The following SYNE2 variants were observed in gnomAD, a reference collection of about 807,000 sequenced individuals.
SYNE2 encodes the protein spectrin repeat containing nuclear envelope protein 2, also known as nesprin-2.
SYNE2 carries 431 observed loss-of-function variants against 856.3 expected under a neutral mutation model. The ratio of observed to expected loss-of-function variants is 0.50; its 90% CI spans 0.47 to 0.55. SYNE2 has a LOEUF of 0.55. SYNE2 is among the 20% of genes least tolerant of loss of function. SYNE2 has a pLI of 0.00. For synonymous variants in SYNE2, 2,923 were observed against 2,872.3 expected (o/e 1.02, Z -0.56); for missense variants, 8,129 against 8,023.2 (o/e 1.01, Z -0.50).
At chr14:63,883,069 A>AT (rs1369547308) in intron 1 of SYNE2, among the ~76,000 whole-genome samples, 8 of 147,066 alleles carry the variant, frequency 5.4e-5, no homozygotes, top group Admixed American at 1.4e-4. Flanking sequence ...TTATTTATTT[A>AT]TTTTTTTGAG....
intron 85 of SYNE2, among the ~76,000 whole-genome samples, chr14:64,155,925 C>T (rs147309278): frequency 6.6e-6 from 1 of 152,282 alleles, no homozygotes; most frequent in Non-Finnish European, 1.5e-5. Context: ...AAATAAGGAT[C>T]CTGGCGGCAC....
intron 1 of SYNE2, among the ~76,000 whole-genome samples, chr14:63,859,192 T>G (rs923018084): frequency 6.6e-6 from 1 of 152,210 alleles, no homozygotes; most frequent in Non-Finnish European, 1.5e-5. Context: ...TAGAGAATTA[T>G]TCAGCCAAAG....
chr14:64,180,891 T>A (rs970005422), intron 96 of SYNE2, among the ~76,000 whole-genome samples: 3 of 152,216 alleles, frequency 2.0e-5, no homozygotes, highest in Non-Finnish European at 4.4e-5. Flanking sequence ...CTATTGAAAA[T>A]ACTGCCTTTT....
intron 1 of SYNE2, among the ~76,000 whole-genome samples, chr14:63,827,625 C>CAAAAAAAAAAAAAAAAAAAAAAAAAA (rs11334415): frequency 9.9e-4 from 28 of 28,406 alleles, no homozygotes; most frequent in East Asian, 2.0e-3. Flanking sequence ...AACTCTGTCT[C>CAAAAAAAAAAAAAAAAAAAAAAAAAA]AAAAAAAAAA....
At position 64,007,100 on chromosome 14, in the gene SYNE2, A is replaced by G; in HGVS notation, c.4455A>G (p.Arg1485=). The G allele has an allele frequency of 2.5e-6, 4 of 1,613,408 alleles. No homozygotes were observed. The highest frequency in any genetic ancestry group is 3.4e-6 in the Non-Finnish European group (4 of 1,179,328). ...TAGATGAATATGAAGAAGAGAAGAG[A>G]CATTTACAAGAAATGGCTAATTCTC... ...KVLDEYEEEK[R]HLQEMANSLP... is the part of the protein sequence containing the mutation. Residue 1485 remains arginine (R), a synonymous_variant, in exon 31 of 116, where the codon AGA becomes AGG. Coordinates refer to ENST00000555002, the MANE Select transcript of SYNE2 (RefSeq NM_182914.3).
At chr14:63,799,108 T>C (rs1191930681) in intron 1 of SYNE2, among the ~76,000 whole-genome samples, 1 of 152,202 alleles carries the variant, frequency 6.6e-6, no homozygotes, top group Non-Finnish European at 1.5e-5. Flanking sequence ...AGACAGACTT[T>C]CGCTCTGTCA....
Position 64,223,459 on chromosome 14 carries a change from T to G in SYNE2, c.20382+79T>G, listed in dbSNP as rs948302301. 6.5e-6 allele frequency: 10 copies of G among 1,548,384 alleles called. No individual in the cohort carries two copies. The Admixed American group carries it at 1.7e-4, about 26-fold the overall frequency. The stretch of plus-strand genomic sequence containing the variant: ...GGACAGCAGTGTTGTAGCAATGCTC[T>G]AAGACAGAGGCCAGAAGCAAGGGCC... On this transcript the variant is annotated intron_variant, in intron 113 of 115. Transcript: ENST00000555002.
intron 56 of SYNE2, among the ~76,000 whole-genome samples, 193 bp from the exon 57 acceptor site, chr14:64,081,250 A>G (rs1299147526): frequency 6.6e-6 from 1 of 152,188 alleles, no homozygotes; most frequent in Admixed American, 6.5e-5. Context: ...CTTTCCACCT[A>G]TGGTCAGAGT....
chr14:64,177,105 A>G (rs2098438788), intron 95 of SYNE2, among the ~76,000 whole-genome samples: 1 of 152,124 alleles, frequency 6.6e-6, no homozygotes, highest in Non-Finnish European at 1.5e-5. Flanking sequence ...GCCCGGAAGA[A>G]CTATTTTCAA....
intron 1 of SYNE2, among the ~76,000 whole-genome samples, chr14:63,860,514 A>G (rs1281535183): frequency 6.6e-6 from 1 of 152,262 alleles, no homozygotes; most frequent in Non-Finnish European, 1.5e-5. Flanking sequence ...CACATTTGAC[A>G]AAAAGGAGCC....
At chr14:64,083,419 T>C (rs886740188) in intron 57 of SYNE2, among the ~76,000 whole-genome samples, 2 of 151,192 alleles carry the variant, frequency 1.3e-5, no homozygotes, top group African/African-American at 4.9e-5. Flanking sequence ...AAAAAAACTG[T>C]ACAAAAGTGA....
chr14:64,017,819 G>T, intron 34 of SYNE2, 63 bp downstream of exon 34: 2 of 1,526,396 alleles, frequency 1.3e-6, no homozygotes, highest in South Asian at 1.1e-5. Context: ...TATTTTTTAT[G>T]AATATAGTCA....
In SYNE2 at chr14:64,026,705, C is replaced by A. The variant is rs768026273; in HGVS notation, c.6379C>A (p.Leu2127Ile). Residue 2127 changes from leucine (L) to isoleucine (I), a missense_variant, in exon 42 of 116, where the codon CTC becomes ATC. By Grantham distance (5) the Leu-to-Ile change is conservative (BLOSUM62 2). This residue lies in a region of SYNE2 where 297 missense variants were observed against 380.9 expected (regional missense o/e 0.78). Coordinates refer to ENST00000555002, the MANE Select transcript of SYNE2 (RefSeq NM_182914.3). ...CATCAGCAACCAGTGGGACAACACA[C>A]TCCATTTAGCTAGCACCTACCTAAG... ...TDISNQWDNT[L>I]HLASTYLSHQ... 10 of 1,610,846 alleles carry A rather than the reference C, an allele frequency of 6.2e-6. No homozygotes were observed. In the East Asian group the frequency reaches 8.9e-5, roughly 14 times the overall value.
chr14:64,044,625 G>A (rs1172072610), intron 45 of SYNE2, among the ~76,000 whole-genome samples: 1 of 152,182 alleles, frequency 6.6e-6, no homozygotes, highest in Non-Finnish European at 1.5e-5. Flanking sequence ...CAATTCCCAT[G>A]TGTCATGGGA....
intron 11 of SYNE2, among the ~76,000 whole-genome samples, chr14:63,973,844 G>T (rs1418275431): frequency 6.6e-6 from 1 of 152,106 alleles, no homozygotes; most frequent in Non-Finnish European, 1.5e-5. Flanking sequence ...ATATCTTTTA[G>T]ATATTTGCTT....
chr14:64,167,473 G>GCC, intron 91 of SYNE2, 22 bp from the exon 92 acceptor site: 1 of 1,614,240 alleles, frequency 6.2e-7, no homozygotes, highest in South Asian at 1.1e-5. Context: ...ACATGGGTGT[G>GCC]TTTTGTTTTA....
intron 1 of SYNE2, among the ~76,000 whole-genome samples, chr14:63,882,598 G>A (rs7143794): frequency 6.6e-6 from 1 of 151,614 alleles, no homozygotes; most frequent in Non-Finnish European, 1.5e-5. Flanking sequence ...GGTGTCACAC[G>A]CCTGTGGTCC....
Position 64,165,316 on chromosome 14 carries a change from T to C in SYNE2, c.16511T>C (p.Val5504Ala), listed in dbSNP as rs1450712776. The C allele has an allele frequency of 5.6e-6, 9 of 1,613,942 alleles. No individual in the cohort carries two copies. Among genetic ancestry groups the C allele is most frequent in the Non-Finnish European group, 7.6e-6 (9 of 1,179,896 alleles). Residue 5504 changes from valine (V) to alanine (A), a missense_variant, in exon 90 of 116, where the codon GTC becomes GCC. Physicochemically the swap from Val to Ala is moderately conservative, Grantham distance 64. Transcript: ENST00000555002. ...FVLSQFKDFGVRLESLKGLIM... is the reference protein window; with the variant it reads ...FVLSQFKDFGARLESLKGLIM... ...CTCTCACAGTTTAAGGATTTTGGAG[T>C]CCGGCTGGAATCTTTAAAAGGTCTT...
chr14:64,136,617 T>A (rs564948463), intron 78 of SYNE2, among the ~76,000 whole-genome samples: 1 of 152,328 alleles, frequency 6.6e-6, no homozygotes, highest in African/African-American at 2.4e-5. Flanking sequence ...TAATTACCTT[T>A]AGACAGACTT....
Sources: allele counts gnomAD v4.1 joint callset (sites outside exome capture counted in the v4.1 genomes callset), GRCh38; gene constraint gnomAD v4.1.1; regional missense constraint gnomAD v4.1.1; transcripts MANE v1.5; gene names NCBI Gene and HGNC (gene_info 2026-07-23, HGNC 2026-07-21).